Variants in KLHDC1 observed in about 807,000 individuals in gnomAD.
KLHDC1 encodes the protein kelch domain containing 1.
Under a neutral mutation model 68.3 loss-of-function variants are expected in KLHDC1, and 53 were observed. The ratio of observed to expected loss-of-function variants is 0.78; its 90% CI spans 0.62 to 0.98. KLHDC1 has a LOEUF of 0.98. Ranked by LOEUF, KLHDC1 falls within the 50% of genes least tolerant of loss-of-function variation. The pLI, the probability that KLHDC1 is intolerant of heterozygous loss-of-function variation, is 0.00. For synonymous variants in KLHDC1, 148 were observed against 159.0 expected (o/e 0.93, Z 0.52); for missense variants, 470 against 492.3 (o/e 0.95, Z 0.43).
intron 9 of KLHDC1, among the ~76,000 whole-genome samples, chr14:49,733,106 A>G (rs928717694): frequency 6.6e-6 from 1 of 152,172 alleles, no homozygotes; most frequent in Non-Finnish European, 1.5e-5. Context: ...TTTGATCCAG[A>G]TGCTTGTACT....
At chr14:49,699,112 C>G (rs140412090) in intron 1 of KLHDC1, among the ~76,000 whole-genome samples, 5 of 146,408 alleles carry the variant, frequency 3.4e-5, no homozygotes, top group East Asian at 2.0e-4. Flanking sequence ...TGCAGTGAAC[C>G]GAGATCGTGC....
intron 1 of KLHDC1, among the ~76,000 whole-genome samples, chr14:49,696,567 C>A (rs1887749121): frequency 6.6e-6 from 1 of 152,136 alleles, no homozygotes; most frequent in Non-Finnish European, 1.5e-5. Context: ...TCAATTCTCT[C>A]AGCCTTCATA....
chr14:49,729,100 G>A (rs1888741527), intron 7 of KLHDC1, 91 bp downstream of exon 7: 2 of 853,118 alleles, frequency 2.3e-6, no homozygotes, highest in African/African-American at 1.7e-5. Context: ...GAACATTCAT[G>A]TAATCTAGAG....
intron 5 of KLHDC1, among the ~76,000 whole-genome samples, chr14:49,724,771 A>G (rs1888622378): frequency 6.6e-6 from 1 of 151,750 alleles, no homozygotes; most frequent in South Asian, 2.1e-4. Flanking sequence ...TTTTTCTCCT[A>G]CAATACAGTT....
At chr14:49,693,771 G>T (rs1887650983) in intron 1 of KLHDC1, among the ~76,000 whole-genome samples, 1 of 21,488 alleles carries the variant, frequency 4.7e-5, no homozygotes, top group Non-Finnish European at 1.2e-4. Context: ...TTTTGAGATG[G>T]AGTTTCGCTC....
At chr14:49,718,867 C>G (rs2139747755) in intron 4 of KLHDC1, among the ~76,000 whole-genome samples, 2 of 125,576 alleles carry the variant, frequency 1.6e-5, no homozygotes, top group East Asian at 5.5e-4. Context: ...CTCACTGTTT[C>G]CTGGGTTCAA....
In KLHDC1 at chr14:49,743,399, CAAAAAAA is replaced by C. The variant is rs956715386; in HGVS notation, c.982-343_982-337del. Among the ~76,000 whole-genome samples the C allele has an allele frequency of 6.4e-3, 441 of 68,780 alleles. 3 individuals are homozygous for C. The highest frequency in any genetic ancestry group is 0.021 in the African/African-American group (421 of 20,468). The allele number at this position is 68,780 out of a possible 152,430, so 45.1% of individuals were successfully genotyped here. A position where few individuals can be genotyped will look rare whatever the true frequency, so the allele number is the denominator to read the frequency against. ...TGGGCGACAGAGCAGGACTCCATCT[CAAAAAAA>C]AAAAAAAAAAGAAAAGAAAACCACT... On this transcript the variant is annotated intron_variant, in intron 11 of 12. Coordinates refer to ENST00000359332, the MANE Select transcript of KLHDC1 (RefSeq NM_172193.3).
At chr14:49,751,361 C>T (rs957221537) in intron 12 of KLHDC1, among the ~76,000 whole-genome samples, 4 of 151,870 alleles carry the variant, frequency 2.6e-5, no homozygotes, top group Non-Finnish European at 5.9e-5. Flanking sequence ...ATGGATACCC[C>T]ATTTTCTATG....
chr14:49,715,873 C>T (rs1888364549), intron 4 of KLHDC1, among the ~76,000 whole-genome samples: 1 of 149,600 alleles, frequency 6.7e-6, no homozygotes, highest in African/African-American at 2.5e-5. Context: ...CTTTTGAAGT[C>T]GTTTGAGGTT....
At chr14:49,717,590 T>C (rs993837250) in intron 4 of KLHDC1, among the ~76,000 whole-genome samples, 4 of 152,228 alleles carry the variant, frequency 2.6e-5, no homozygotes, top group Non-Finnish European at 5.9e-5. Context: ...GGTAGTACTT[T>C]ATGTATTCTG....
At chr14:49,710,946 T>C (rs1326203422) in intron 4 of KLHDC1, among the ~76,000 whole-genome samples, 2 of 152,202 alleles carry the variant, frequency 1.3e-5, no homozygotes, top group Non-Finnish European at 2.9e-5. Flanking sequence ...TGTCTTCATT[T>C]CTGAAATGAG....
intron 4 of KLHDC1, among the ~76,000 whole-genome samples, chr14:49,713,953 A>T (rs779491905): frequency 2.1e-5 from 3 of 145,896 alleles, no homozygotes; most frequent in Non-Finnish European, 4.5e-5. Flanking sequence ...CCTGGGTTCA[A>T]ACAATTCTCA....
At position 49,693,748 on chromosome 14, in the gene KLHDC1, C is replaced by CTTTTTTTTTTTTTT. The variant is rs1231129663; in HGVS notation, c.96+461_96+474dup. Among the ~76,000 whole-genome samples, 246 of 61,542 alleles carry CTTTTTTTTTTTTTT rather than the reference C, an allele frequency of 4.0e-3. 56 individuals are homozygous for CTTTTTTTTTTTTTT. Among genetic ancestry groups the CTTTTTTTTTTTTTT allele is most frequent in the African/African-American group, 8.2e-3 (152 of 18,468 alleles). The allele number at this position is 61,542 out of a possible 152,430, so 40.4% of individuals were successfully genotyped here. A position where few individuals can be genotyped will look rare whatever the true frequency, so the allele number is the denominator to read the frequency against. On this transcript the variant is annotated intron_variant, in intron 1 of 12. Transcript: ENST00000359332. Reference sequence around the variant, plus strand: ...TAAATATTTATTTTCTTTTCTTTTTCTTTTTTTTTTTTTTTTGAGATGGAG... The same window carrying CTTTTTTTTTTTTTT: ...TAAATATTTATTTTCTTTTCTTTTTCTTTTTTTTTTTTTTTTTTTTTTTTTTTTTTGAGATGGAG...
intron 1 of KLHDC1, among the ~76,000 whole-genome samples, chr14:49,694,825 G>T (rs1887686455): frequency 6.6e-6 from 1 of 152,190 alleles, no homozygotes; most frequent in Non-Finnish European, 1.5e-5. Flanking sequence ...TTGCATTCCA[G>T]CCTGGGCGAC....
Position 49,728,955 on chromosome 14 carries a change from G to T in KLHDC1, c.597G>T (p.Ala199=). The part of the protein sequence containing the change: ...KGGVPPQPRA[A]HTCAVLGNKG... ...GAGTTCCACCACAGCCACGAGCCGC[G>T]CATACATGTGCAGTTCTTGGAAATA... The change falls in exon 7 of 13, where the codon GCG becomes GCT. Residue 199 remains alanine, a synonymous_variant. Transcript: ENST00000359332. 1 of 1,613,664 alleles carries T rather than the reference G, an allele frequency of 6.2e-7. No homozygotes were observed. Among genetic ancestry groups the T allele is most frequent in the Non-Finnish European group, 8.5e-7 (1 of 1,179,646 alleles).
intron 1 of KLHDC1, among the ~76,000 whole-genome samples, chr14:49,704,378 TC>T (rs1447113939): frequency 6.8e-6 from 1 of 146,138 alleles, no homozygotes; most frequent in Admixed American, 7.3e-5. Context: ...TTATTTTTTT[TC>T]CTTTTCTGTT....
At chr14:49,717,140 C>T (rs768644613) in intron 4 of KLHDC1, among the ~76,000 whole-genome samples, 1 of 152,082 alleles carries the variant, frequency 6.6e-6, no homozygotes, top group Admixed American at 6.6e-5. Context: ...GTTGTGTCTA[C>T]CTTTTCGCTA....
At chr14:49,716,405 CAG>C (rs1243726913) in intron 4 of KLHDC1, among the ~76,000 whole-genome samples, 1 of 149,918 alleles carries the variant, frequency 6.7e-6, no homozygotes. Flanking sequence ...TTTTTTGAGA[CAG>C]AGTCTCACTC....
At chr14:49,707,829 T>G (rs1423438677) in intron 1 of KLHDC1, 3 of 2,180 alleles carry the variant, frequency 1.4e-3, no homozygotes, top group African/African-American at 1.5e-3. Context: ...TTTTTGGTGT[T>G]TTTTTTTTTA....
Sources: gnomAD v4.1 joint callset for allele counts (sites outside exome capture counted in the v4.1 genomes callset) on GRCh38, gnomAD v4.1.1 for gene constraint, MANE v1.5 for transcripts, NCBI Gene and HGNC (gene_info 2026-07-23, HGNC 2026-07-21) for gene names.